The following TIAM1 variants were observed in gnomAD, a reference collection of about 807,000 sequenced individuals.
TIAM1 encodes TIAM Rac1 associated GEF 1.
TIAM1 carries 65 observed loss-of-function variants against 163.5 expected under a neutral mutation model. That is an observed-to-expected ratio of 0.40 (90% CI 0.33 to 0.49). The LOEUF is 0.49. Ranked by LOEUF, TIAM1 falls within the 20% of genes least tolerant of loss-of-function variation. The probability of loss-of-function intolerance (pLI) is 0.77; values close to 1 mark genes in which losing one functional copy is unlikely to be tolerated. For synonymous variants in TIAM1, 833 were observed against 810.1 expected, an observed-to-expected ratio of 1.03 and a Z score of -0.48; for missense variants, 1,789 against 2,044.7, an observed-to-expected ratio of 0.87 and a Z score of 2.41.
intron 2 of TIAM1, among the ~76,000 whole-genome samples, chr21:31,392,505 G>A (rs2076983148): frequency 6.7e-6 from 1 of 148,528 alleles, no homozygotes; most frequent in Non-Finnish European, 1.5e-5. Flanking sequence ...GGGAGGCAAA[G>A]GTTGTGGTGA....
chr21:31,331,263 T>C (rs573550616), intron 2 of TIAM1, among the ~76,000 whole-genome samples: 90 of 152,298 alleles, frequency 5.9e-4, no homozygotes, highest in African/African-American at 2.2e-3. Flanking sequence ...ATCCCACCAA[T>C]TATGTCTCAA....
intron 2 of TIAM1, among the ~76,000 whole-genome samples, chr21:31,360,634 C>T (rs1380525406): frequency 6.6e-6 from 1 of 152,062 alleles, no homozygotes; most frequent in Non-Finnish European, 1.5e-5. Flanking sequence ...ATGTTTGCGA[C>T]TCATGCAACT....
intron 2 of TIAM1, among the ~76,000 whole-genome samples, chr21:31,414,499 C>T (rs1035472998): frequency 6.6e-6 from 1 of 152,164 alleles, no homozygotes. Context: ...GAGGTGGGAG[C>T]AACGGCCCCT....
At chr21:31,445,344 G>C (rs536098354) in intron 2 of TIAM1, among the ~76,000 whole-genome samples, 1 of 152,136 alleles carries the variant, frequency 6.6e-6, no homozygotes, top group Non-Finnish European at 1.5e-5. Context: ...TGTTTAATAC[G>C]TGTGTCTTCC....
intron 1 of TIAM1, among the ~76,000 whole-genome samples, chr21:31,546,935 T>C (rs2048516980): frequency 7.2e-6 from 1 of 138,350 alleles, no homozygotes; most frequent in Non-Finnish European, 1.5e-5. Context: ...CTGTCTCAGC[T>C]GCAGGGCTGT....
rs771435936 is a variant in TIAM1, at chr21:31,141,319, G to A, written c.3655+6C>T. The A allele has an allele frequency of 2.5e-6, 4 of 1,613,788 alleles. No individual in the cohort carries two copies. The highest frequency in any genetic ancestry group is 3.4e-6 in the Non-Finnish European group (4 of 1,179,888). On this transcript the variant is annotated splice_donor_region_variant and intron_variant, in intron 21 of 27. Transcript: ENST00000541036. This position sits in a 1 kb window ranked among gnomAD's most constrained non-coding sequence, Gnocchi z 4.7. ...GGCCTGCCGGGGGTCCCAGGCCGAGGCCTACCGTCCAGGTGGTAGTGCTCC... is the reference window on the plus strand; with the variant it reads ...GGCCTGCCGGGGGTCCCAGGCCGAGACCTACCGTCCAGGTGGTAGTGCTCC...
At chr21:31,401,001 G>A (rs992300018) in intron 2 of TIAM1, among the ~76,000 whole-genome samples, 1 of 152,052 alleles carries the variant, frequency 6.6e-6, no homozygotes, top group Non-Finnish European at 1.5e-5. Context: ...TGGGCAACAA[G>A]AGCAAAACTA....
chr21:31,200,558 T>C (rs1317459277), intron 12 of TIAM1, among the ~76,000 whole-genome samples: 1 of 152,264 alleles, frequency 6.6e-6, no homozygotes, highest in Non-Finnish European at 1.5e-5. Context: ...CAGTGGTAGC[T>C]ATTAGATCTA....
intron 25 of TIAM1, among the ~76,000 whole-genome samples, chr21:31,128,933 C>T (rs1342896366): frequency 6.6e-6 from 1 of 150,982 alleles, no homozygotes; most frequent in Non-Finnish European, 1.5e-5. Context: ...TTCTGAGGAT[C>T]AGATCCAGTT....
At chr21:31,311,459 A>G (rs1425058915) in intron 2 of TIAM1, among the ~76,000 whole-genome samples, 2 of 152,174 alleles carry the variant, frequency 1.3e-5, no homozygotes, top group Non-Finnish European at 2.9e-5. Flanking sequence ...ATTTATCATC[A>G]CCCTTGTCCA....
In TIAM1 at chr21:31,143,515, TAA is replaced by T. The variant is rs546360762; in HGVS notation, c.3476-2013_3476-2012del. 5.0e-3 allele frequency among the ~76,000 whole-genome samples: 761 copies of T among 151,600 alleles called. 1 individual carries two copies. The highest frequency in any genetic ancestry group is 8.3e-3 in the Admixed American group (127 of 15,214). ...TTAGAAAGTTTAAAATATAGAAATT[TAA>T]AAGTTTAATGATATATATTTTTTAT... On this transcript the variant is annotated intron_variant, in intron 20 of 27. Transcript: ENST00000541036.
At chr21:31,336,303 G>T (rs989216471) in intron 2 of TIAM1, among the ~76,000 whole-genome samples, 3 of 152,098 alleles carry the variant, frequency 2.0e-5, no homozygotes, top group African/African-American at 7.2e-5. Context: ...TACTGGGGGA[G>T]AATCCACATT....
chr21:31,305,394 G>A (rs987298541), intron 2 of TIAM1, among the ~76,000 whole-genome samples: 17 of 150,790 alleles, frequency 1.1e-4, no homozygotes, highest in African/African-American at 4.2e-4. Flanking sequence ...TAGGGAAGGA[G>A]CGATGGGCAT....
At chr21:31,358,639 A>G (rs544586668) in intron 2 of TIAM1, among the ~76,000 whole-genome samples, 4 of 152,204 alleles carry the variant, frequency 2.6e-5, no homozygotes, top group South Asian at 2.1e-4. Context: ...CAGTCGGAAA[A>G]TTCTGTTGCA....
chr21:31,445,840 G>C (rs1390007391), intron 2 of TIAM1, among the ~76,000 whole-genome samples: 1 of 152,118 alleles, frequency 6.6e-6, no homozygotes, highest in African/African-American at 2.4e-5. Context: ...GGAGAGATTG[G>C]GGTTTTGTTG....
At chr21:31,423,793 A>AT (rs528255938) in intron 2 of TIAM1, among the ~76,000 whole-genome samples, 78 of 139,028 alleles carry the variant, frequency 5.6e-4, no homozygotes, top group African/African-American at 2.0e-3. Flanking sequence ...TTATGATCCC[A>AT]TTTATATGAA....
At chr21:31,213,676 C>T (rs1259975737) in intron 9 of TIAM1, among the ~76,000 whole-genome samples, 5 of 149,566 alleles carry the variant, frequency 3.3e-5, no homozygotes, top group Admixed American at 6.6e-5. Flanking sequence ...CACTTCCCTA[C>T]GTGTTTGACA....
intron 1 of TIAM1, among the ~76,000 whole-genome samples, chr21:31,474,220 C>T (rs975800590): frequency 1.3e-5 from 2 of 152,200 alleles, no homozygotes; most frequent in Non-Finnish European, 2.9e-5. Flanking sequence ...ACCTCCAATA[C>T]TGGAGATCAC....
upstream of TIAM1, among the ~76,000 whole-genome samples, chr21:31,345,964 T>A (rs1338249062): frequency 2.0e-5 from 3 of 151,964 alleles, no homozygotes; most frequent in Non-Finnish European, 2.9e-5. Flanking sequence ...AATAAATAAA[T>A]AAACAGAATG....
Sources: gnomAD v4.1 joint callset for allele counts (sites outside exome capture counted in the v4.1 genomes callset) on GRCh38, gnomAD v4.1.1 for gene constraint, Gnocchi (gnomAD v3.1) non-coding constraint, MANE v1.5 for transcripts, NCBI Gene and HGNC (gene_info 2026-07-23, HGNC 2026-07-21) for gene names.